TTC17: variants seen among roughly 807,000 people sequenced by gnomAD.
TTC17 encodes the protein tetratricopeptide repeat protein 17.
A neutral mutation model predicts 143.8 loss-of-function variants in TTC17; 58 were observed. That is an observed-to-expected ratio of 0.40 (90% CI 0.33 to 0.50). The LOEUF is 0.50. Ranked by LOEUF, TTC17 falls within the 20% of genes least tolerant of loss-of-function variation. The probability of loss-of-function intolerance (pLI) is 0.49; values close to 1 mark genes in which losing one functional copy is unlikely to be tolerated. For synonymous variants in TTC17, 501 were observed against 497.8 expected, an observed-to-expected ratio of 1.01 and a Z score of -0.09; for missense variants, 1,273 against 1,392.5, an observed-to-expected ratio of 0.91 and a Z score of 1.37.
intron 21 of TTC17, among the ~76,000 whole-genome samples, chr11:43,460,839 C>CT (rs1216816792): frequency 6.6e-6 from 1 of 152,166 alleles, no homozygotes; most frequent in African/African-American, 2.4e-5. Context: ...CACATGATGA[C>CT]TGAGGGCTCC....
At position 43,359,107 on chromosome 11, in the gene TTC17, G is replaced by A; in HGVS notation, c.153G>A (p.Gln51=). 1.3e-6 allele frequency: 2 copies of A among 1,583,326 alleles called. No individual in the cohort carries two copies. The highest frequency in any genetic ancestry group is 1.7e-6 in the Non-Finnish European group (2 of 1,166,936). The change falls in exon 1 of 24, where the codon CAG becomes CAA. Residue 51 remains glutamine (Q), a synonymous_variant. Coordinates refer to ENST00000039989, the MANE Select transcript of TTC17 (RefSeq NM_018259.6). ...TCGTCACGGAGGACGGGAAAATCCA[G>A]CAGCAGGTAGCGGCCGGGGCGTCCC... ...HWVVTEDGKI[Q]QQVDSPMNLK...
chr11:43,400,165 T>A lies in TTC17; in HGVS notation c.1219+117T>A, dbSNP rs570977364. Reference sequence around the variant, plus strand: ...TGTGAAGTTGTGTTTATGACTTCCCTACATCTCGAAAGCATGATTCATCAC... The same window carrying A: ...TGTGAAGTTGTGTTTATGACTTCCCAACATCTCGAAAGCATGATTCATCAC... On this transcript the variant is annotated intron_variant, in intron 9 of 23. Transcript: ENST00000039989. The A allele has an allele frequency of 3.2e-5, 37 of 1,147,408 alleles. No homozygotes were observed. The South Asian group carries it at 6.4e-4, about 20-fold the overall frequency. 71.1% of individuals were successfully genotyped at this position (1,147,408 alleles called of 1,614,324 possible).
At chr11:43,429,618 T>C (rs1947107770) in intron 16 of TTC17, among the ~76,000 whole-genome samples, 2 of 152,232 alleles carry the variant, frequency 1.3e-5, no homozygotes, top group Admixed American at 1.3e-4. Flanking sequence ...GAGATAAATA[T>C]GAAATAGTGT....
intron 1 of TTC17, among the ~76,000 whole-genome samples, chr11:43,374,747 A>AC (rs1262528005): frequency 7.1e-6 from 1 of 141,578 alleles, no homozygotes; most frequent in Non-Finnish European, 1.6e-5. Context: ...TATTAAAAAG[A>AC]CCAAAAAAAA....
intron 21 of TTC17, among the ~76,000 whole-genome samples, chr11:43,460,472 C>T (rs80059542): frequency 0.015 from 2,317 of 152,272 alleles, 52 homozygotes; most frequent in East Asian, 0.1. Context: ...CTTTGCTGCT[C>T]TTCCACCAAA....
rs867647741 is a variant in TTC17, at chr11:43,412,967, C to A, written c.2065-1623C>A. ...AGTTGATTCTAATATCTACATAGAA[C>A]TGGACCTAGAATAGACACACACACA... is the stretch of plus-strand genomic sequence containing the variant. On this transcript the variant is annotated intron_variant, in intron 15 of 23. Transcript: ENST00000039989. Among the ~76,000 whole-genome samples, 13 of 141,342 alleles carry A rather than the reference C, an allele frequency of 9.2e-5. No individual in the cohort carries two copies. In the South Asian group the frequency reaches 1.8e-3, roughly 20 times the overall value. 92.7% of individuals were successfully genotyped at this position (141,342 alleles called of 152,430 possible).
chr11:43,439,459 G>GT lies in TTC17; in HGVS notation c.2252-3857dup, dbSNP rs567441654. Among the ~76,000 whole-genome samples the GT allele has an allele frequency of 3.5e-3, 502 of 143,446 alleles. 3 individuals carry two copies. Among genetic ancestry groups the GT allele is most frequent in the South Asian group, 6.5e-3 (29 of 4,444 alleles). 94.1% of individuals were successfully genotyped at this position (143,446 alleles called of 152,430 possible). A position where few individuals can be genotyped will look rare whatever the true frequency, so the allele number is the denominator to read the frequency against. ...CTACATATGCATAGCTTCATGTCTT[G>GT]TTTTTTTTTGGTTTTTTTTTTTTTT... On this transcript the variant is annotated intron_variant, in intron 16 of 23. Transcript: ENST00000039989.
intron 16 of TTC17, among the ~76,000 whole-genome samples, chr11:43,440,381 T>C (rs144663957): frequency 2.2e-3 from 335 of 152,320 alleles, no homozygotes; most frequent in Non-Finnish European, 3.9e-3. Context: ...TTTATAAATA[T>C]CATTCTGTTT....
chr11:43,437,081 C>T (rs539778225), intron 16 of TTC17, among the ~76,000 whole-genome samples: 6 of 152,276 alleles, frequency 3.9e-5, no homozygotes, highest in Non-Finnish European at 4.4e-5. Flanking sequence ...CTAAGACATT[C>T]TCTACAACTC....
chr11:43,451,077 A>G, intron 20 of TTC17, 105 bp from the exon 21 acceptor site: 1 of 1,053,548 alleles, frequency 9.5e-7, no homozygotes, highest in Non-Finnish European at 1.4e-6. Context: ...GTATCCCAGA[A>G]AAACAGTTTG....
chr11:43,410,610 C>G (rs1858366179), intron 15 of TTC17, among the ~76,000 whole-genome samples: 1 of 152,166 alleles, frequency 6.6e-6, no homozygotes. Context: ...GAAGACTGCC[C>G]TTTTCCTGTT....
At chr11:43,404,661 CAG>C (rs1370917567) in intron 11 of TTC17, among the ~76,000 whole-genome samples, 1 of 152,164 alleles carries the variant, frequency 6.6e-6, no homozygotes, top group Non-Finnish European at 1.5e-5. Context: ...GGTATGAGGA[CAG>C]AGACTGTGTG....
At position 43,391,801 on chromosome 11, in the gene TTC17, A is replaced by G; in HGVS notation, c.532-20A>G. ...TTTATATCCTTTGATATGTCTTTTGAATCTTTTTCTTCTCTTCAGGGTGTA... is the reference window on the plus strand; with the variant it reads ...TTTATATCCTTTGATATGTCTTTTGGATCTTTTTCTTCTCTTCAGGGTGTA... On this transcript the variant is annotated intron_variant, in intron 4 of 23. Coordinates refer to ENST00000039989, the MANE Select transcript of TTC17 (RefSeq NM_018259.6). The G allele has an allele frequency of 2.5e-6, 4 of 1,607,644 alleles. No individual in the cohort carries two copies. The highest frequency in any genetic ancestry group is 3.4e-6 in the Non-Finnish European group (4 of 1,178,588).
chr11:43,388,342 TACAA>T (rs1281803632), intron 2 of TTC17, among the ~76,000 whole-genome samples: 2 of 152,072 alleles, frequency 1.3e-5, no homozygotes, highest in Non-Finnish European at 2.9e-5. Flanking sequence ...TTTTAAAACT[TACAA>T]AGCAATGCTG....
At position 43,493,858 on chromosome 11, in the gene TTC17, C is replaced by T. The variant is rs1014009529; in HGVS notation, c.3380C>T (p.Thr1127Ile). The part of the protein sequence containing the change: ...EFVPAKNRIQ[T>I]IQCHLMLKKG... ...GTCCCAGCCAAGAACCGAATCCAGACCATCCAGTGTCACTTAATGCTGAAG... is the reference window on the plus strand; with the variant it reads ...GTCCCAGCCAAGAACCGAATCCAGATCATCCAGTGTCACTTAATGCTGAAG... The change falls in exon 24 of 24, where the codon ACC (threonine) becomes ATC (isoleucine). Residue 1127 changes from threonine to isoleucine, a missense_variant. Transcript: ENST00000039989. 6.2e-7 allele frequency: 1 copy of T among 1,614,008 alleles called. No homozygotes were observed. The highest frequency in any genetic ancestry group is 8.5e-7 in the Non-Finnish European group (1 of 1,179,952).
At chr11:43,439,547 A>C (rs1466284410) in intron 16 of TTC17, among the ~76,000 whole-genome samples, 2 of 148,734 alleles carry the variant, frequency 1.3e-5, no homozygotes, top group African/African-American at 5.0e-5. Flanking sequence ...AGCTCACTGC[A>C]AGCTCTGCCT....
intron 3 of TTC17, among the ~76,000 whole-genome samples, chr11:43,390,674 AAG>A (rs1221447225): frequency 1.3e-5 from 2 of 151,574 alleles, no homozygotes; most frequent in South Asian, 2.1e-4. Flanking sequence ...AAAAATAAAA[AAG>A]AGAAAAAAAT....
Position 43,407,418 on chromosome 11 carries a change from C to T in TTC17, c.1905C>T (p.Ser635=), listed in dbSNP as rs760278203. The T allele has an allele frequency of 6.2e-7, 1 of 1,613,986 alleles. No homozygotes were observed. ...AGLYWRAVGN[S]TFAIACLQRA... ...TATACTGGAGAGCAGTAGGAAATAG[C>T]ACTTTTGCTATTGCCTGTCTTCAGA... is the stretch of plus-strand genomic sequence containing the variant. The change falls in exon 15 of 24, where the codon AGC becomes AGT. Residue 635 remains serine, a synonymous_variant. Coordinates refer to ENST00000039989, the MANE Select transcript of TTC17 (RefSeq NM_018259.6).
intron 21 of TTC17, among the ~76,000 whole-genome samples, chr11:43,462,945 T>G (rs976546853): frequency 2.2e-5 from 3 of 134,784 alleles, no homozygotes; most frequent in African/African-American, 9.2e-5. Context: ...AGACAGAGTC[T>G]CACTCTATTG....
Sources: allele counts gnomAD v4.1 joint callset (sites outside exome capture counted in the v4.1 genomes callset), GRCh38; gene constraint gnomAD v4.1.1; transcripts MANE v1.5; gene names NCBI Gene and HGNC (gene_info 2026-07-23, HGNC 2026-07-21).